Variants in RYR1 observed in about 807,000 individuals in gnomAD.
RYR1 encodes the protein central core disease of muscle.
A neutral mutation model predicts 583.5 loss-of-function variants in RYR1; 342 were observed. That is an observed-to-expected ratio of 0.59 (90% confidence interval 0.54 to 0.64). The LOEUF (loss-of-function observed/expected upper bound fraction) is 0.64. RYR1 is among the 30% of genes least tolerant of loss of function. The pLI, the probability that RYR1 is intolerant of heterozygous loss-of-function variation, is 0.00. For missense variants in RYR1, 6,032 were observed against 6,917.2 expected (o/e 0.87, Z 4.54); for synonymous variants, 2,791 against 2,822.5 (o/e 0.99, Z 0.35).
Position 38,534,813 on chromosome 19 carries a change from T to C in RYR1, c.11353T>C (p.Cys3785Arg). 1 of 1,611,838 alleles carries C rather than the reference T, an allele frequency of 6.2e-7. No homozygotes were observed. ...AEMVLQMISA[C>R]KGETGAMVSS... is the part of the protein sequence containing the mutation. ...GATGGTGCTGCAGATGATCAGTGCC[T>C]GCAAAGGTGCCCCTCACATGTGCAC... is the stretch of plus-strand genomic sequence containing the variant. The change falls in exon 79 of 106, where the codon TGC becomes CGC. Residue 3785 changes from cysteine (C) to arginine (R), a missense_variant. Around this residue, in one of 11 missense-constraint regions of RYR1, gnomAD observed 1,493 missense variants for 1,715.5 expected, o/e 0.87. Transcript: ENST00000359596.
intron 21 of RYR1, 110 bp downstream of exon 21, chr19:38,463,637 T>C: frequency 6.9e-7 from 1 of 1,456,182 alleles, no homozygotes; most frequent in Non-Finnish European, 9.6e-7. Flanking sequence ...CAGGGGGTCC[T>C]TGGACTGAGG....
intron 36 of RYR1, 138 bp from the exon 37 acceptor site, chr19:38,490,483 C>A: frequency 2.5e-6 from 2 of 797,962 alleles, no homozygotes; most frequent in Non-Finnish European, 4.3e-6. Context: ...TGGCCCTAGT[C>A]TCCCAAATAG....
At position 38,505,901 on chromosome 19, in the gene RYR1, G is replaced by C; in HGVS notation, c.8496G>C (p.Glu2832Asp). Residue 2832 changes from glutamate to aspartate, a missense_variant, in exon 54 of 106, where the codon GAG (glutamate) becomes GAC (aspartate). Transcript: ENST00000359596. ...TIEKAREGEE[E>D]KTEKKKTRKI... is the part of the protein sequence containing the mutation. ...AGAAGGCCAGGGAGGGTGAGGAGGAGAAGACGGAAAAGAAAAAAACGCGGA... is the reference window on the plus strand; with the variant it reads ...AGAAGGCCAGGGAGGGTGAGGAGGACAAGACGGAAAAGAAAAAAACGCGGA... The C allele has an allele frequency of 6.2e-7, 1 of 1,613,824 alleles. No homozygotes were observed. The highest frequency in any genetic ancestry group is 8.5e-7 in the Non-Finnish European group (1 of 1,179,972).
At chr19:38,476,528 T>G (rs1968739500) in intron 29 of RYR1, among the ~76,000 whole-genome samples, 1 of 152,146 alleles carries the variant, frequency 6.6e-6, no homozygotes. Flanking sequence ...AAACGGGGTT[T>G]CACCATGTTG....
At chr19:38,477,635 A>G (rs957543171) in intron 29 of RYR1, 75 bp from the exon 30 acceptor site, 25 of 1,603,750 alleles carry the variant, frequency 1.6e-5, no homozygotes, top group Non-Finnish European at 2.0e-5. Context: ...GTCCAGGGAA[A>G]CCAATTTCGA....
rs768698639 is a variant in RYR1 at position 38,534,774 on chromosome 19, CG to C, written c.11320del (p.Ala3774ArgfsTer8). On this transcript the variant is annotated frameshift_variant, in exon 79 of 106. Coordinates refer to ENST00000359596, the MANE Select transcript of RYR1 (RefSeq NM_000540.3). LOFTEE classifies it high-confidence loss of function. ...GTACCAGCAAGCACGGCTGCACACC[CG>C]GGGGGCGGCCGAGATGGTGCTGCAG... The part of the protein sequence containing the change: ...LLYQQARLHT[R>X]GAAEMVLQMI... 1 of 1,613,878 alleles carries C rather than the reference CG, an allele frequency of 6.2e-7. No individual in the cohort carries two copies. Among genetic ancestry groups the C allele is most frequent in the Admixed American group, 1.7e-5 (1 of 60,002 alleles).
At position 38,566,975 on chromosome 19, in the gene RYR1, C is replaced by G. The variant is rs73933023; in HGVS notation, c.13502C>G (p.Pro4501Arg). ...PEPEPEPELEPEKADAENGEK... is the reference protein window; with the variant it reads ...PEPEPEPELEREKADAENGEK... Reference sequence around the variant, plus strand: ...CCCGAGCCGGAACCAGAGCTGGAGCCGGAGAAAGCCGAGTGAGTGGCCTTG... The same window carrying G: ...CCCGAGCCGGAACCAGAGCTGGAGCGGGAGAAAGCCGAGTGAGTGGCCTTG... Residue 4501 changes from proline (P) to arginine (R), a missense_variant, in exon 92 of 106, where the codon CCG becomes CGG. Pro to Arg is a moderately radical substitution (Grantham distance 103). This residue lies in a region of RYR1 where 753 missense variants were observed against 759.6 expected (regional missense o/e 0.99). Transcript: ENST00000359596. The G allele has an allele frequency of 1.9e-6, 3 of 1,596,766 alleles. No homozygotes were observed. Among genetic ancestry groups the G allele is most frequent in the Non-Finnish European group, 2.6e-6 (3 of 1,171,618 alleles).
At chr19:38,548,700 C>T (rs1225796005) in intron 89 of RYR1, among the ~76,000 whole-genome samples, 1 of 152,202 alleles carries the variant, frequency 6.6e-6, no homozygotes. Context: ...ACCTCAGCCT[C>T]CTGAGTAGTT....
rs773630716 is a variant in RYR1, at chr19:38,516,195, C to T, written c.9663C>T (p.Thr3221=). The change falls in exon 65 of 106, where the codon ACC becomes ACT. Residue 3221 remains threonine, a synonymous_variant. Coordinates refer to ENST00000359596, the MANE Select transcript of RYR1 (RefSeq NM_000540.3). ...NEYNACSVYT[T]KSPRERAILG... ...ACAACGCCTGCTCCGTGTACACCACCAAGTCTCCGCGGGAGCGGGCCAGTA... is the reference window on the plus strand; with the variant it reads ...ACAACGCCTGCTCCGTGTACACCACTAAGTCTCCGCGGGAGCGGGCCAGTA... 12 of 1,579,602 alleles carry T rather than the reference C, an allele frequency of 7.6e-6. No individual in the cohort carries two copies. Among genetic ancestry groups the T allele is most frequent in the South Asian group, 1.2e-5 (1 of 86,250 alleles).
At position 38,525,436 on chromosome 19, in the gene RYR1, C is replaced by T. The variant is rs1250894136; in HGVS notation, c.10560C>T (p.Ile3520=). 24 of 1,613,886 alleles carry T rather than the reference C, an allele frequency of 1.5e-5. No homozygotes were observed. The highest frequency in any genetic ancestry group is 2.2e-5 in the East Asian group (1 of 44,892). The part of the protein sequence containing the change: ...IVATLKKMLP[I]GLNMCAPTDQ... ...CCACACTGAAGAAGATGCTGCCCATCGGCCTGAATATGTGTGCGCCCACCG... is the reference window on the plus strand; with the variant it reads ...CCACACTGAAGAAGATGCTGCCCATTGGCCTGAATATGTGTGCGCCCACCG... Residue 3520 remains isoleucine (I), a synonymous_variant, in exon 71 of 106, where the codon ATC becomes ATT. Coordinates refer to ENST00000359596, the MANE Select transcript of RYR1 (RefSeq NM_000540.3).
At position 38,561,316 on chromosome 19, in the gene RYR1, C is replaced by A; in HGVS notation, c.12486C>A (p.Phe4162Leu). The change falls in exon 90 of 106, where the codon TTC becomes TTA. Residue 4162 changes from phenylalanine (F) to leucine (L), a missense_variant. Phe to Leu is a conservative substitution (Grantham distance 22). Transcript: ENST00000359596. This position sits in a 1 kb window ranked among gnomAD's most constrained non-coding sequence, Gnocchi z 4.8. ...HVPHDPRLHN[F>L]LELAESILEY... is the part of the protein sequence containing the mutation. ...CGCATGACCCTCGCCTGCACAACTT[C>A]CTGGAGCTGGCCGAGAGCATCCTTG... 1 of 1,614,072 alleles carries A rather than the reference C, an allele frequency of 6.2e-7. No individual in the cohort carries two copies. Among genetic ancestry groups the A allele is most frequent in the African/African-American group, 1.3e-5 (1 of 75,080 alleles).
intron 63 of RYR1, among the ~76,000 whole-genome samples, chr19:38,513,824 C>T (rs1852964990): frequency 6.6e-6 from 1 of 151,946 alleles, no homozygotes; most frequent in East Asian, 1.9e-4. Flanking sequence ...TTTTGTTGAA[C>T]TTTTGGGTGT....
chr19:38,450,400 C>T (rs1967013082), intron 11 of RYR1, among the ~76,000 whole-genome samples: 4 of 152,094 alleles, frequency 2.6e-5, no homozygotes, highest in Admixed American at 1.3e-4. Context: ...CTGAAACAGC[C>T]TCATTGTCTG....
intron 1 of RYR1, among the ~76,000 whole-genome samples, chr19:38,437,143 T>C (rs1357193906): frequency 6.6e-6 from 1 of 151,708 alleles, no homozygotes; most frequent in Non-Finnish European, 1.5e-5. Flanking sequence ...CTCCGCCTCC[T>C]GGGTTCAAGC....
intron 101 of RYR1, among the ~76,000 whole-genome samples, chr19:38,582,915 C>T (rs983795513): frequency 1.3e-5 from 2 of 152,162 alleles, no homozygotes; most frequent in African/African-American, 2.4e-5. Flanking sequence ...CACGGCCTCG[C>T]TGCCCACAGC....
chr19:38,486,425 C>T (rs1969301492), intron 34 of RYR1, among the ~76,000 whole-genome samples: 1 of 152,150 alleles, frequency 6.6e-6, no homozygotes, highest in Non-Finnish European at 1.5e-5. Flanking sequence ...CTCACTGCAA[C>T]CTCCGCCTCC....
At chr19:38,450,437 ACAG>A (rs1403483929) in intron 11 of RYR1, among the ~76,000 whole-genome samples, 1 of 152,170 alleles carries the variant, frequency 6.6e-6, no homozygotes, top group Non-Finnish European at 1.5e-5. Flanking sequence ...TTGTGGTCTC[ACAG>A]CCACAGAGAA....
At chr19:38,524,304 A>G (rs927250382) in intron 70 of RYR1, among the ~76,000 whole-genome samples, 2 of 39,052 alleles carry the variant, frequency 5.1e-5, no homozygotes, top group African/African-American at 2.2e-4. Context: ...GGGAGGGGGC[A>G]GCACCCTCGC....
chr19:38,468,916 A>G, intron 25 of RYR1, 50 bp from the exon 26 acceptor site: 1 of 1,595,250 alleles, frequency 6.3e-7, no homozygotes, highest in Non-Finnish European at 8.6e-7. Context: ...TTATCTCTCC[A>G]TTTCTCTGTG....
Sources: gnomAD v4.1 joint callset for allele counts (sites outside exome capture counted in the v4.1 genomes callset) on GRCh38, gnomAD v4.1.1 for gene constraint, gnomAD v4.1.1 regional missense constraint, Gnocchi (gnomAD v3.1) non-coding constraint, MANE v1.5 for transcripts, NCBI Gene and HGNC (gene_info 2026-07-23, HGNC 2026-07-21) for gene names.